The following KIF26B variants were observed in gnomAD, a reference collection of about 807,000 sequenced individuals.
KIF26B encodes the protein kinesin family member 26B.
In KIF26B, 63 loss-of-function variants were observed where a neutral mutation model predicts 151.2. The ratio of observed to expected loss-of-function variants is 0.42; its 90% CI spans 0.34 to 0.51. KIF26B has a LOEUF of 0.51. KIF26B is among the 20% of genes least tolerant of loss of function. The pLI is 0.07. For missense variants in KIF26B, 2,813 were observed against 2,913.6 expected (o/e 0.97, Z 0.79); for synonymous variants, 1,357 against 1,262.1 (o/e 1.08, Z -1.59).
At chr1:245,654,018 G>A (rs115221056) in intron 10 of KIF26B, among the ~76,000 whole-genome samples, 2,461 of 152,208 alleles carry the variant, frequency 0.016, 72 homozygotes, top group African/African-American at 0.055. Flanking sequence ...AGCTATGATC[G>A]TATCACTGCA....
chr1:245,669,540 C>T (rs536992239), intron 10 of KIF26B, among the ~76,000 whole-genome samples: 14 of 152,218 alleles, frequency 9.2e-5, no homozygotes, highest in South Asian at 2.1e-4. Flanking sequence ...ATTTCTCCAG[C>T]GGAGATATAT....
Position 245,640,159 on chromosome 1 carries a change from A to ATATATATATATATATATATG in KIF26B, c.2099-5960_2099-5959insTATATATATATATATATGTA, listed in dbSNP as rs1168172493. Among the ~76,000 whole-genome samples the ATATATATATATATATATATG allele has an allele frequency of 1.9e-3, 64 of 34,330 alleles. 2 individuals are homozygous for ATATATATATATATATATATG. The highest frequency in any genetic ancestry group is 7.5e-3 in the Admixed American group (23 of 3,064). The allele number at this position is 34,330 out of a possible 152,430, so 22.5% of individuals were successfully genotyped here. A position where few individuals can be genotyped will look rare whatever the true frequency, so the allele number is the denominator to read the frequency against. ...TCTCTCTCTCTATATATATATATAT[A>ATATATATATATATATATATG]TACCCTGCTATTTGGTTATATATAT... On this transcript the variant is annotated intron_variant, in intron 9 of 14. Coordinates refer to ENST00000407071, the MANE Select transcript of KIF26B (RefSeq NM_018012.4).
Position 245,556,737 on chromosome 1 carries a change from C to T in KIF26B, c.1350+15787C>T, listed in dbSNP as rs1288477631. Reference sequence around the variant, plus strand: ...TGTTGTTGTTTTGAGATGGAGGTCTCTGTATCATCAAGAATGGTCTCAAAC... The same window carrying T: ...TGTTGTTGTTTTGAGATGGAGGTCTTTGTATCATCAAGAATGGTCTCAAAC... On this transcript the variant is annotated intron_variant, in intron 5 of 14. Coordinates refer to ENST00000407071, the MANE Select transcript of KIF26B (RefSeq NM_018012.4). Among the ~76,000 whole-genome samples the T allele has an allele frequency of 2.0e-5, 3 of 152,104 alleles. 1 individual carries two copies. The highest frequency in any genetic ancestry group is 7.2e-5 in the African/African-American group (3 of 41,412).
At chr1:245,267,752 T>C (rs1670774859) in intron 2 of KIF26B, among the ~76,000 whole-genome samples, 1 of 151,890 alleles carries the variant, frequency 6.6e-6, no homozygotes, top group Non-Finnish European at 1.5e-5. Flanking sequence ...TTGGAACATA[T>C]TCTGAGGAAT....
rs571691079 is a variant in KIF26B at position 245,233,466 on chromosome 1, T to G, written c.465+76783T>G. On this transcript the variant is annotated intron_variant, in intron 2 of 14. Transcript: ENST00000407071. The stretch of plus-strand genomic sequence containing the variant: ...CAGTGGAAAGATATTACCTGGGTAC[T>G]TGTTAGAAAATGCAGAATTCCAGTC... Among the ~76,000 whole-genome samples the G allele has an allele frequency of 9.2e-4, 140 of 152,288 alleles. 1 individual carries two copies. The highest frequency in any genetic ancestry group is 3.2e-3 in the African/African-American group (135 of 41,572).
intron 5 of KIF26B, among the ~76,000 whole-genome samples, chr1:245,551,251 C>T (rs1306648202): frequency 1.3e-5 from 2 of 152,142 alleles, no homozygotes; most frequent in Non-Finnish European, 2.9e-5. Flanking sequence ...CCATGTTGGC[C>T]AGGCTGGTCT....
chr1:245,679,442 GTT>G (rs111961107), intron 10 of KIF26B, among the ~76,000 whole-genome samples: 1,790 of 73,336 alleles, frequency 0.024, 71 homozygotes, highest in East Asian at 0.059. Context: ...GGTTTTTTGT[GTT>G]TTTTTTGTGT....
chr1:245,642,882 A>C (rs1286239448), intron 9 of KIF26B, among the ~76,000 whole-genome samples: 1 of 152,202 alleles, frequency 6.6e-6, no homozygotes, highest in Non-Finnish European at 1.5e-5. Context: ...TGGAGAGCCC[A>C]GTCTTGTATC....
At chr1:245,287,148 T>C (rs140458383) in intron 2 of KIF26B, among the ~76,000 whole-genome samples, 1 of 152,288 alleles carries the variant, frequency 6.6e-6, no homozygotes, top group Admixed American at 6.5e-5. Flanking sequence ...CTTACAACTT[T>C]TCAGAAACCT....
intron 2 of KIF26B, among the ~76,000 whole-genome samples, chr1:245,253,207 C>T (rs1247060760): frequency 6.6e-6 from 1 of 151,492 alleles, no homozygotes; most frequent in Non-Finnish European, 1.5e-5. Flanking sequence ...TGGGGTTTCA[C>T]CATATTGGTC....
chr1:245,374,077 A>T (rs1673194816), intron 3 of KIF26B, among the ~76,000 whole-genome samples: 3 of 35,264 alleles, frequency 8.5e-5, no homozygotes, highest in Non-Finnish European at 1.5e-4. Flanking sequence ...AAAAAAAAAA[A>T]AAAAAAAAAA....
chr1:245,686,442 T>C lies in KIF26B; in HGVS notation c.3459T>C (p.Asp1153=), dbSNP rs368664733. The C allele has an allele frequency of 2.5e-6, 4 of 1,613,204 alleles. No individual in the cohort carries two copies. The highest frequency in any genetic ancestry group is 3.4e-6 in the Non-Finnish European group (4 of 1,179,882). The change falls in exon 12 of 15, where the codon GAT becomes GAC. Residue 1153 remains aspartate, a synonymous_variant. Coordinates refer to ENST00000407071, the MANE Select transcript of KIF26B (RefSeq NM_018012.4). This position sits in a 1 kb window ranked among gnomAD's most constrained non-coding sequence, Gnocchi z 5.6. ...GSEGFPETPV[D]DEQQAATPSE... is the part of the protein sequence containing the mutation. ...AAGGGTTCCCGGAAACTCCTGTCGA[T>C]GATGAGCAGCAGGCAGCTACTCCTT...
chr1:245,343,363 C>CT lies in KIF26B; in HGVS notation c.466-23459dup, dbSNP rs541859841. ...AAAACATTAAAAAGTTCCATGCAAT[C>CT]TTTTTTTTTTTTCCTACCACAATTT... On this transcript the variant is annotated intron_variant, in intron 2 of 14. Transcript: ENST00000407071. Among the ~76,000 whole-genome samples, 1,256 of 146,506 alleles carry CT rather than the reference C, an allele frequency of 8.6e-3. 13 individuals are homozygous for CT. Among genetic ancestry groups the CT allele is most frequent in the African/African-American group, 0.025 (999 of 40,182 alleles).
intron 4 of KIF26B, among the ~76,000 whole-genome samples, chr1:245,496,348 T>G (rs1015645365): frequency 1.3e-5 from 2 of 152,170 alleles, no homozygotes; most frequent in African/African-American, 2.4e-5. Flanking sequence ...AAATGAACAT[T>G]GACCATATAA....
Position 245,352,119 on chromosome 1 carries a change from G to C in KIF26B, c.466-14715G>C, listed in dbSNP as rs754715508. The stretch of plus-strand genomic sequence containing the variant: ...CTTCTGATTGTCTATCAGTAGGGAA[G>C]GTCCAAGTCCCACCCATACTGTGTT... On this transcript the variant is annotated intron_variant, in intron 2 of 14. Transcript: ENST00000407071. This position sits in a 1 kb window ranked among gnomAD's most constrained non-coding sequence, Gnocchi z 5.0. Among the ~76,000 whole-genome samples the C allele has an allele frequency of 6.6e-6, 1 of 151,926 alleles. No individual in the cohort carries two copies. Among genetic ancestry groups the C allele is most frequent in the Non-Finnish European group, 1.5e-5 (1 of 68,020 alleles).
intron 2 of KIF26B, among the ~76,000 whole-genome samples, chr1:245,240,016 A>G (rs1429035685): frequency 6.6e-6 from 1 of 152,096 alleles, no homozygotes; most frequent in Non-Finnish European, 1.5e-5. Context: ...TTAAAAATAC[A>G]AAGATTAGCC....
At chr1:245,549,196 A>G (rs1337491403) in intron 5 of KIF26B, among the ~76,000 whole-genome samples, 8 of 152,232 alleles carry the variant, frequency 5.3e-5, no homozygotes, top group Non-Finnish European at 1.2e-4. Context: ...TTTAAAAGCT[A>G]GCAACCTTTA....
intron 2 of KIF26B, among the ~76,000 whole-genome samples, chr1:245,354,719 G>T (rs948422691): frequency 6.6e-6 from 1 of 152,172 alleles, no homozygotes; most frequent in African/African-American, 2.4e-5. Flanking sequence ...GCTGTTTAGA[G>T]TTCAGTACCT....
chr1:245,320,648 GT>G (rs796346841), intron 2 of KIF26B, among the ~76,000 whole-genome samples: 1 of 151,908 alleles, frequency 6.6e-6, no homozygotes, highest in Non-Finnish European at 1.5e-5. Flanking sequence ...AATCTAACTG[GT>G]TTTTTTTGTT....
Sources: allele counts gnomAD v4.1 joint callset (sites outside exome capture counted in the v4.1 genomes callset), GRCh38; gene constraint gnomAD v4.1.1; non-coding constraint Gnocchi (gnomAD v3.1); transcripts MANE v1.5; gene names NCBI Gene and HGNC (gene_info 2026-07-23, HGNC 2026-07-21).